The following GPM6A variants were observed in gnomAD, a reference collection of about 807,000 sequenced individuals.
The protein encoded by GPM6A is neuronal membrane glycoprotein M6-a.
A neutral mutation model predicts 32.1 loss-of-function variants in GPM6A; 7 were observed. The ratio of observed to expected loss-of-function variants is 0.22; its 90% CI spans 0.12 to 0.41. The LOEUF is 0.41. Among genes scored for constraint, GPM6A ranks in the 10% least tolerant of loss-of-function variants. The probability of loss-of-function intolerance (pLI) is 1.00; values close to 1 mark genes in which losing one functional copy is unlikely to be tolerated. For missense variants in GPM6A, 235 were observed against 347.2 expected, an observed-to-expected ratio of 0.68 and a Z score of 2.57; for synonymous variants, 130 against 123.4, an observed-to-expected ratio of 1.05 and a Z score of -0.35.
intron 1 of GPM6A, among the ~76,000 whole-genome samples, chr4:175,836,860 T>A (rs1466152662): frequency 1.3e-5 from 2 of 152,182 alleles, no homozygotes; most frequent in Admixed American, 1.3e-4. Flanking sequence ...GACATGATGT[T>A]ATCTGTTTTA....
intron 1 of GPM6A, among the ~76,000 whole-genome samples, chr4:175,903,855 A>C (rs1738042122): frequency 6.6e-6 from 1 of 152,148 alleles, no homozygotes; most frequent in African/African-American, 2.4e-5. Context: ...AAAAATTGGG[A>C]CAGCCAGCCA....
intron 1 of GPM6A, among the ~76,000 whole-genome samples, chr4:175,735,777 G>T (rs929911123): frequency 6.6e-6 from 1 of 152,120 alleles, no homozygotes; most frequent in Non-Finnish European, 1.5e-5. Context: ...GGTCAGGCTG[G>T]TCTCAAACTC....
Position 175,635,051 on chromosome 4 carries a change from A to G in GPM6A, c.691T>C (p.Tyr231His), listed in dbSNP as rs1560839687. The change falls in exon 7 of 7, where the codon TAC becomes CAC. Residue 231 changes from tyrosine to histidine, a missense_variant. Physicochemically the swap from Tyr to His is moderately conservative, Grantham distance 83. This residue lies in a region of GPM6A where 107 missense variants were observed against 116.7 expected (regional missense o/e 0.92). Transcript: ENST00000393658. ...AGAAVIAMVH[Y>H]LMVLSANWAY... ...CAGTTGGCAGACAGAACCATAAGGT[A>G]GTGAACCTAATCAAAGAGAAAAATA... 3 of 1,612,830 alleles carry G rather than the reference A, an allele frequency of 1.9e-6. No homozygotes were observed. Among genetic ancestry groups the G allele is most frequent in the Non-Finnish European group, 2.5e-6 (3 of 1,179,116 alleles).
intron 1 of GPM6A, among the ~76,000 whole-genome samples, chr4:175,762,341 CAT>C (rs886253000): frequency 3.9e-5 from 6 of 152,300 alleles, no homozygotes; most frequent in Admixed American, 6.5e-5. Context: ...GCTCATACAA[CAT>C]GTTTGCCACA....
chr4:175,977,140 A>G (rs1480987549), intron 1 of GPM6A, among the ~76,000 whole-genome samples: 1 of 152,250 alleles, frequency 6.6e-6, no homozygotes, highest in Admixed American at 6.5e-5. Flanking sequence ...GGTCTCCAAA[A>G]GACAACATAT....
chr4:175,841,897 A>T (rs1305405876), intron 1 of GPM6A, among the ~76,000 whole-genome samples: 1 of 152,138 alleles, frequency 6.6e-6, no homozygotes, highest in Admixed American at 6.5e-5. Flanking sequence ...TCTAGTTTCC[A>T]TAGCTGTCAT....
rs1046596435 is a variant in GPM6A at position 175,702,402 on chromosome 4, A to G, written c.38-635T>C. 2.0e-5 allele frequency among the ~76,000 whole-genome samples: 3 copies of G among 152,242 alleles called. No individual in the cohort carries two copies. The East Asian group carries it at 5.8e-4, about 29-fold the overall frequency. ...TTAACTATAATTTCCCTACTATGCT[A>G]TCGAATACTAGAACTTATTCTTTTT... On this transcript the variant is annotated intron_variant, in intron 1 of 6. Coordinates refer to ENST00000393658, the MANE Select transcript of GPM6A (RefSeq NM_201591.3).
chr4:175,728,003 CA>C (rs36001392), intron 1 of GPM6A, among the ~76,000 whole-genome samples: 48,593 of 97,632 alleles, frequency 0.5, 8,118 homozygotes, highest in South Asian at 0.56. Flanking sequence ...GACTCCGTTT[CA>C]AAAAAAAAAA....
intron 1 of GPM6A, among the ~76,000 whole-genome samples, chr4:175,870,475 G>C (rs971747029): frequency 6.6e-6 from 1 of 151,880 alleles, no homozygotes; most frequent in Non-Finnish European, 1.5e-5. Context: ...CAAATACAGA[G>C]GATACAACAA....
intron 1 of GPM6A, among the ~76,000 whole-genome samples, chr4:175,965,602 G>A (rs1295313223): frequency 6.7e-6 from 1 of 150,046 alleles, no homozygotes; most frequent in Non-Finnish European, 1.5e-5. Context: ...ATGAAAGAGG[G>A]ACTATTTCTC....
chr4:175,802,314 T>C (rs1405948814), intron 1 of GPM6A, among the ~76,000 whole-genome samples: 1 of 152,056 alleles, frequency 6.6e-6, no homozygotes, highest in East Asian at 1.9e-4. Context: ...AAATTAGTGA[T>C]TAATACATCA....
chr4:175,987,120 C>T (rs1038558955), intron 1 of GPM6A, among the ~76,000 whole-genome samples: 7 of 152,142 alleles, frequency 4.6e-5, no homozygotes, highest in African/African-American at 1.4e-4. Flanking sequence ...ATAATTCCTA[C>T]GGTTTTATTA....
chr4:175,714,023 A>AT (rs760228282), intron 1 of GPM6A, among the ~76,000 whole-genome samples: 5 of 151,840 alleles, frequency 3.3e-5, no homozygotes, highest in Non-Finnish European at 7.4e-5. Context: ...ATATCTTTTA[A>AT]TTTTTTTGGT....
At chr4:175,725,333 C>T (rs1288603328) in intron 1 of GPM6A, among the ~76,000 whole-genome samples, 1 of 151,284 alleles carries the variant, frequency 6.6e-6, no homozygotes, top group Non-Finnish European at 1.5e-5. Flanking sequence ...GCTCTGTCAC[C>T]CAGGCTGGAG....
chr4:175,704,718 T>A (rs1164533510), intron 1 of GPM6A, among the ~76,000 whole-genome samples: 1 of 152,200 alleles, frequency 6.6e-6, no homozygotes, highest in Non-Finnish European at 1.5e-5. Context: ...AAGGATTTGA[T>A]GTGGTTGTGG....
intron 1 of GPM6A, among the ~76,000 whole-genome samples, chr4:175,704,195 T>C (rs1231008561): frequency 6.6e-6 from 1 of 152,066 alleles, no homozygotes; most frequent in Non-Finnish European, 1.5e-5. Flanking sequence ...TTCTAGTCCA[T>C]CCCATCTGCC....
chr4:175,690,557 C>T (rs960609394), intron 2 of GPM6A, among the ~76,000 whole-genome samples: 2 of 152,224 alleles, frequency 1.3e-5, no homozygotes, highest in African/African-American at 4.8e-5. Flanking sequence ...CTTGCACTTT[C>T]CGACTTTCAG....
At chr4:175,639,900 T>G (rs912134021) in intron 6 of GPM6A, among the ~76,000 whole-genome samples, 1 of 152,172 alleles carries the variant, frequency 6.6e-6, no homozygotes, top group African/African-American at 2.4e-5. Flanking sequence ...TCTAAAATCC[T>G]AATGAATTAC....
rs144887614 is a variant in GPM6A at position 175,673,477 on chromosome 4, A to G, written c.387+203T>C. On this transcript the variant is annotated intron_variant, in intron 3 of 6. Transcript: ENST00000393658. ...AGAAACAAAACTAGTTGTGCTACAT[A>G]GAATCTGAGTATTTGAAACTGAATT... 1.8e-3 allele frequency among the ~76,000 whole-genome samples: 281 copies of G among 152,274 alleles called. 4 individuals carry two copies. The highest frequency in any genetic ancestry group is 0.017 in the Admixed American group (259 of 15,296).
Sources: gnomAD v4.1 joint callset for allele counts (sites outside exome capture counted in the v4.1 genomes callset) on GRCh38, gnomAD v4.1.1 for gene constraint, gnomAD v4.1.1 regional missense constraint, MANE v1.5 for transcripts, NCBI Gene and HGNC (gene_info 2026-07-23, HGNC 2026-07-21) for gene names.